The following TRIP12 variants were observed in gnomAD, a reference collection of about 807,000 sequenced individuals.
The protein encoded by TRIP12 is E3 ubiquitin-protein ligase TRIP12.
A neutral mutation model predicts 244.2 loss-of-function variants in TRIP12; 25 were observed. The observed-to-expected ratio is 0.10, with a 90% CI of 0.07 to 0.14. The LOEUF (loss-of-function observed/expected upper bound fraction) is 0.14. Among genes scored for constraint, TRIP12 ranks in the 10% least tolerant of loss-of-function variants. The pLI, the probability that TRIP12 is intolerant of heterozygous loss-of-function variation, is 1.00. For missense variants in TRIP12, 1,677 were observed against 2,486.4 expected, an observed-to-expected ratio of 0.67 and a Z score of 6.92; for synonymous variants, 905 against 873.1, an observed-to-expected ratio of 1.04 and a Z score of -0.64.
At chr2:229,834,766 G>GAAA (rs558080736) in intron 6 of TRIP12, among the ~76,000 whole-genome samples, 1 of 143,214 alleles carries the variant, frequency 7.0e-6, no homozygotes. Context: ...CCTCAAAGAA[G>GAAA]AAAAAAAAAA....
intron 39 of TRIP12, among the ~76,000 whole-genome samples, chr2:229,770,459 A>T (rs1296341375): frequency 1.8e-4 from 28 of 152,206 alleles, no homozygotes; most frequent in Non-Finnish European, 2.9e-5. Context: ...AACTGAGATT[A>T]AGACGTTAAG....
intron 8 of TRIP12, among the ~76,000 whole-genome samples, chr2:229,824,129 C>T (rs1368594332): frequency 1.3e-5 from 2 of 152,080 alleles, no homozygotes; most frequent in Admixed American, 6.5e-5. Context: ...TGTTAATAAA[C>T]TGTTGTAAGG....
chr2:229,816,325 TAAA>T (rs11311195), intron 9 of TRIP12, among the ~76,000 whole-genome samples: 5 of 140,682 alleles, frequency 3.6e-5, no homozygotes, highest in South Asian at 2.3e-4. Flanking sequence ...TTTCAGGACT[TAAA>T]AAAAAAAAAA....
At chr2:229,779,209 G>A (rs2037275453) in intron 34 of TRIP12, among the ~76,000 whole-genome samples, 1 of 152,196 alleles carries the variant, frequency 6.6e-6, no homozygotes, top group African/African-American at 2.4e-5. Flanking sequence ...GCCCCAACAT[G>A]TCAGTTGAAC....
chr2:229,779,378 C>A (rs1252108758), intron 34 of TRIP12, among the ~76,000 whole-genome samples: 1 of 152,142 alleles, frequency 6.6e-6, no homozygotes, highest in East Asian at 1.9e-4. Flanking sequence ...GGGGAAGGCT[C>A]CCCCCAGCAT....
At position 229,774,107 on chromosome 2, in the gene TRIP12, T is replaced by C; in HGVS notation, c.5684A>G (p.Glu1895Gly). ...GACACAGTTACATACTCTTAGATAC[T>C]CCTCTAAATTGTGGATAGTGACTGG... ...DIPVTIHNLE[E>G]YLRLVIFWAL... The change falls in exon 38 of 42, where the codon GAG (glutamate) becomes GGG (glycine). Residue 1895 changes from glutamate (E) to glycine (G), a missense_variant. Glu to Gly is a moderately conservative substitution (Grantham distance 98, BLOSUM62 -2). Transcript: ENST00000675903. 6.2e-7 allele frequency: 1 copy of C among 1,613,760 alleles called. No homozygotes were observed. Among genetic ancestry groups the C allele is most frequent in the Non-Finnish European group, 8.5e-7 (1 of 1,179,866 alleles).
At chr2:229,776,569 A>G (rs1252165569) in intron 37 of TRIP12, among the ~76,000 whole-genome samples, 2 of 152,050 alleles carry the variant, frequency 1.3e-5, no homozygotes, top group African/African-American at 2.4e-5. Context: ...ATCCTCTCCA[A>G]CTCATCAGGA....
At chr2:229,915,550 C>T (rs774535283) in intron 1 of TRIP12, among the ~76,000 whole-genome samples, 3 of 152,078 alleles carry the variant, frequency 2.0e-5, no homozygotes, top group Non-Finnish European at 4.4e-5. Flanking sequence ...CGCTTAATCC[C>T]TATCATGGGC....
At chr2:229,876,126 T>C (rs1410375502) in intron 2 of TRIP12, among the ~76,000 whole-genome samples, 2 of 151,860 alleles carry the variant, frequency 1.3e-5, no homozygotes, top group African/African-American at 4.8e-5. Context: ...ATACAAAAAT[T>C]AGCCAGGTGT....
Position 229,774,132 on chromosome 2 carries a change from G to T in TRIP12, c.5659C>A (p.Pro1887Thr). 1 of 1,614,066 alleles carries T rather than the reference G, an allele frequency of 6.2e-7. No individual in the cohort carries two copies. Among genetic ancestry groups the T allele is most frequent in the Non-Finnish European group, 8.5e-7 (1 of 1,179,988 alleles). The change falls in exon 38 of 42, where the codon CCA becomes ACA. Residue 1887 changes from proline (P) to threonine (T), a missense_variant. Pro to Thr is a conservative substitution (Grantham distance 38). Around this residue, in one of 11 missense-constraint regions of TRIP12, gnomAD observed 171 missense variants for 388.4 expected, o/e 0.44. Transcript: ENST00000675903. ...TCCTCTAAATTGTGGATAGTGACTG[G>T]TATATCCTTCCCTCCTTTCTTCAGT... The part of the protein sequence containing the change: ...IELKKGGKDI[P>T]VTIHNLEEYL...
At chr2:229,775,695 C>A (rs1162129438) in intron 37 of TRIP12, among the ~76,000 whole-genome samples, 1 of 150,868 alleles carries the variant, frequency 6.6e-6, no homozygotes. Context: ...ATCTCTAGGA[C>A]ATTGTAAATT....
At chr2:229,867,165 T>C (rs1467726212) in intron 2 of TRIP12, among the ~76,000 whole-genome samples, 5 of 56,410 alleles carry the variant, frequency 8.9e-5, no homozygotes, top group Non-Finnish European at 1.7e-4. Flanking sequence ...TTTTGTTTGT[T>C]TGTTTGTTTT....
At chr2:229,883,551 CAAATCCTG>C (rs2065310020) in intron 1 of TRIP12, among the ~76,000 whole-genome samples, 1 of 152,194 alleles carries the variant, frequency 6.6e-6, no homozygotes, top group Non-Finnish European at 1.5e-5. Flanking sequence ...ATATCCCTAT[CAAATCCTG>C]AAATACACTA....
chr2:229,858,244 TC>T (rs2059936902), intron 4 of TRIP12, among the ~76,000 whole-genome samples: 1 of 152,060 alleles, frequency 6.6e-6, no homozygotes, highest in Non-Finnish European at 1.5e-5. Flanking sequence ...ACACTTGTAA[TC>T]CCAGTTACTC....
chr2:229,909,550 C>A (rs1382227773), intron 1 of TRIP12, among the ~76,000 whole-genome samples: 2 of 148,778 alleles, frequency 1.3e-5, no homozygotes, highest in African/African-American at 2.5e-5. Context: ...AGCGTTGAGA[C>A]CTTGTCTAAA....
At chr2:229,877,502 C>G (rs1021916556) in intron 2 of TRIP12, among the ~76,000 whole-genome samples, 2 of 152,068 alleles carry the variant, frequency 1.3e-5, no homozygotes, top group African/African-American at 4.8e-5. Flanking sequence ...CACTGCACTC[C>G]GGCCTGAGTG....
intron 4 of TRIP12, among the ~76,000 whole-genome samples, chr2:229,846,594 T>C (rs2057627689): frequency 6.6e-6 from 1 of 152,166 alleles, no homozygotes; most frequent in South Asian, 2.1e-4. Context: ...TTTCTTGTGG[T>C]GGCTGGGAAC....
chr2:229,783,059 T>C (rs2038799794), intron 34 of TRIP12, among the ~76,000 whole-genome samples: 1 of 152,232 alleles, frequency 6.6e-6, no homozygotes, highest in East Asian at 1.9e-4. Context: ...ATGATATAAA[T>C]GTCTATGACA....
rs183710106 is a variant in TRIP12 at position 229,850,933 on chromosome 2, C to T, written c.1027+7839G>A. On this transcript the variant is annotated intron_variant, in intron 4 of 41. Coordinates refer to ENST00000675903, the MANE Select transcript of TRIP12 (RefSeq NM_001348323.3). The stretch of plus-strand genomic sequence containing the variant: ...ACCGGCGCTGCACTCGATTTCTCGC[C>T]GGGCCTTAGCTGCCTTCCCGCAGCG... 4.6e-5 allele frequency among the ~76,000 whole-genome samples: 7 copies of T among 152,314 alleles called. No homozygotes were observed. In the East Asian group the frequency reaches 1.4e-3, roughly 29 times the overall value.
Sources: gnomAD v4.1 joint callset for allele counts (sites outside exome capture counted in the v4.1 genomes callset) on GRCh38, gnomAD v4.1.1 for gene constraint, gnomAD v4.1.1 regional missense constraint, MANE v1.5 for transcripts, NCBI Gene and HGNC (gene_info 2026-07-23, HGNC 2026-07-21) for gene names.